The following C16orf96 variants were observed in gnomAD, a reference collection of about 807,000 sequenced individuals.
C16orf96 encodes the protein chromosome 16 open reading frame 96.
In C16orf96, 108 loss-of-function variants were observed where a neutral mutation model predicts 103.6. The ratio of observed to expected loss-of-function variants is 1.04; its 90% confidence interval spans 0.89 to 1.22. The LOEUF (loss-of-function observed/expected upper bound fraction) is 1.22. Ranked by LOEUF, C16orf96 falls within the 50% of genes most tolerant of loss-of-function variation. The pLI is 0.00. For synonymous variants in C16orf96, 566 were observed against 593.5 expected, an observed-to-expected ratio of 0.95 and a Z score of 0.67; for missense variants, 1,586 against 1,464.2, an observed-to-expected ratio of 1.08 and a Z score of -1.36.
chr16:4,597,559 CT>C (rs941406165), intron 14 of C16orf96, among the ~76,000 whole-genome samples: 373 of 145,204 alleles, frequency 2.6e-3, no homozygotes, highest in Middle Eastern at 3.6e-3. Context: ...ACTGCTTCAT[CT>C]TTTTTTTTTT....
upstream of C16orf96, among the ~76,000 whole-genome samples, chr16:4,551,707 C>T (rs1481824105): frequency 6.6e-6 from 1 of 152,122 alleles, no homozygotes; most frequent in Non-Finnish European, 1.5e-5. Flanking sequence ...CCACCTCGGC[C>T]TCCCAAAGTG....
Position 4,594,804 on chromosome 16 carries a change from G to A in C16orf96, c.3127+1G>A. 1 of 1,549,976 alleles carries A rather than the reference G, an allele frequency of 6.5e-7. No homozygotes were observed. The highest frequency in any genetic ancestry group is 8.7e-7 in the Non-Finnish European group (1 of 1,146,814). ...TTGGCCGTCGCAAAGGAGCTGGCAGGTGAGGGGCGTAGGGCTCCCTGGGGC... is the reference window on the plus strand; with the variant it reads ...TTGGCCGTCGCAAAGGAGCTGGCAGATGAGGGGCGTAGGGCTCCCTGGGGC... On this transcript the variant is annotated splice_donor_variant, in intron 14 of 15. Transcript: ENST00000444310. LOFTEE classifies it high-confidence loss of function.
chr16:4,600,704 C>T lies in C16orf96; in HGVS notation c.*387C>T. On this transcript the variant is annotated 3_prime_UTR_variant, in exon 16 of 16. Coordinates refer to ENST00000444310, the MANE Select transcript of C16orf96 (RefSeq NM_001145011.2). ...ATCCTGTGCATATAAATACAAACAG[C>T]ACAGTGCACATTCTCATTCTACATT... The T allele has an allele frequency of 8.6e-6, 2 of 233,782 alleles. No individual in the cohort carries two copies. Among genetic ancestry groups the T allele is most frequent in the East Asian group, 1.1e-4 (1 of 9,368 alleles). The allele number at this position is 233,782 out of a possible 1,614,324, so 14.5% of individuals were successfully genotyped here.
At chr16:4,548,837 C>T in the C16orf96 span, among the ~76,000 whole-genome samples, 214 of 150,008 alleles carry the variant, frequency 1.4e-3, no homozygotes, top group African/African-American at 4.9e-3. Flanking sequence ...TGCAATGTCA[C>T]GCCATTGCAC....
the C16orf96 span, among the ~76,000 whole-genome samples, chr16:4,540,800 T>A: frequency 6.6e-6 from 1 of 151,774 alleles, no homozygotes; most frequent in Non-Finnish European, 1.5e-5. Flanking sequence ...CAGGCTGGAG[T>A]ACAGTGGCAT....
chr16:4,585,369 C>T (rs1428043684), intron 7 of C16orf96, among the ~76,000 whole-genome samples: 1 of 150,052 alleles, frequency 6.7e-6, no homozygotes, highest in Non-Finnish European at 1.5e-5. Context: ...AGGCAGGAGG[C>T]TTGCTTGAGC....
At chr16:4,565,372 G>C (rs4238850) in intron 1 of C16orf96, among the ~76,000 whole-genome samples, 89,866 of 152,096 alleles carry the variant, frequency 0.59, 30,170 homozygotes, top group East Asian at 0.87. Flanking sequence ...TTCTTCCCCA[G>C]GACAGGAGTC....
intron 1 of C16orf96, among the ~76,000 whole-genome samples, chr16:4,557,269 C>G (rs1457067125): frequency 6.6e-6 from 1 of 152,124 alleles, no homozygotes; most frequent in African/African-American, 2.4e-5. Flanking sequence ...TGCGCCCAGC[C>G]TTCTCCTGGG....
At chr16:4,554,480 A>C (rs2059245434), upstream of C16orf96, among the ~76,000 whole-genome samples, 1 of 151,146 alleles carries the variant, frequency 6.6e-6, no homozygotes, top group South Asian at 2.1e-4. Context: ...CCTCCCGAGT[A>C]GTTGGGATTA....
At position 4,563,009 on chromosome 16, in the gene C16orf96, G is replaced by A. The variant is rs1050814400; in HGVS notation, c.420+6100G>A. The A allele has an allele frequency of 1.0e-5, 11 of 1,061,154 alleles. No individual in the cohort carries two copies. The East Asian group carries it at 2.7e-4, about 26-fold the overall frequency. The allele number at this position is 1,061,154 out of a possible 1,614,324, so 65.7% of individuals were successfully genotyped here. A position where few individuals can be genotyped will look rare whatever the true frequency, so the allele number is the denominator to read the frequency against. On this transcript the variant is annotated intron_variant, in intron 1 of 15. Transcript: ENST00000444310. ...ACCTCATTTTCCCAATCTGAAACAT[G>A]TTACCATCTCTGCTGCTGCTCCTCT...
intron 7 of C16orf96, among the ~76,000 whole-genome samples, chr16:4,581,167 T>TAC (rs1217134206): frequency 7.0e-4 from 85 of 120,672 alleles, no homozygotes; most frequent in Non-Finnish European, 1.4e-3. Flanking sequence ...TATATATATA[T>TAC]ATATATATAT....
chr16:4,543,739 G>C, the C16orf96 span, among the ~76,000 whole-genome samples: 4 of 152,128 alleles, frequency 2.6e-5, no homozygotes, highest in Admixed American at 2.6e-4. Flanking sequence ...CTGCCTCTTG[G>C]CAAGCGATTC....
upstream of C16orf96, among the ~76,000 whole-genome samples, chr16:4,555,269 TACACACACACACACACACACACACAC>T (rs71139639): frequency 2.7e-5 from 4 of 145,590 alleles, no homozygotes; most frequent in African/African-American, 1.0e-4. Flanking sequence ...TCACACACAC[TACACACACACACACACACACACACAC>T]ACACACACAC....
chr16:4,594,241 G>A (rs1427864314), intron 12 of C16orf96, 110 bp from the exon 13 acceptor site: 1 of 1,302,546 alleles, frequency 7.7e-7, no homozygotes, highest in Non-Finnish European at 1.0e-6. Flanking sequence ...CTAAACACAA[G>A]CTGAAAGAAA....
At chr16:4,582,636 C>T (rs970452977) in intron 7 of C16orf96, among the ~76,000 whole-genome samples, 7 of 152,064 alleles carry the variant, frequency 4.6e-5, no homozygotes, top group African/African-American at 1.7e-4. Context: ...CACCACTGGC[C>T]AGGAACCAGG....
rs2059439892 is a variant in C16orf96, at chr16:4,571,671, C to T, written c.525+6C>T. The T allele has an allele frequency of 1.9e-6, 3 of 1,549,938 alleles. No homozygotes were observed. The African/African-American group carries it at 4.1e-5, about 21-fold the overall frequency. ...TGAAGAACATGCTTGACAAGGTAGGCCCTCCCCCAGCATCCTCCATGCCAG... is the reference window on the plus strand; with the variant it reads ...TGAAGAACATGCTTGACAAGGTAGGTCCTCCCCCAGCATCCTCCATGCCAG... On this transcript the variant is annotated splice_donor_region_variant and intron_variant, in intron 2 of 15. Coordinates refer to ENST00000444310, the MANE Select transcript of C16orf96 (RefSeq NM_001145011.2).
intron 15 of C16orf96, 127 bp downstream of exon 15, chr16:4,599,491 CT>C (rs1897241516): frequency 2.5e-6 from 2 of 808,008 alleles, no homozygotes; most frequent in African/African-American, 3.4e-5. Context: ...CTCCTGCCTG[CT>C]TTGCCTGCCT....
intron 1 of C16orf96, among the ~76,000 whole-genome samples, chr16:4,558,241 T>C (rs892880420): frequency 6.6e-6 from 1 of 152,220 alleles, no homozygotes; most frequent in Non-Finnish European, 1.5e-5. Context: ...TGACCCTGGC[T>C]CACCTTTGAC....
intron 1 of C16orf96, among the ~76,000 whole-genome samples, chr16:4,558,242 C>G (rs1297067598): frequency 6.6e-6 from 1 of 152,252 alleles, no homozygotes; most frequent in Non-Finnish European, 1.5e-5. Flanking sequence ...GACCCTGGCT[C>G]ACCTTTGACT....
Sources: gnomAD v4.1 joint callset for allele counts (sites outside exome capture counted in the v4.1 genomes callset) on GRCh38, gnomAD v4.1.1 for gene constraint, MANE v1.5 for transcripts, NCBI Gene and HGNC (gene_info 2026-07-23, HGNC 2026-07-21) for gene names.